TMEM132D: variants seen among roughly 807,000 people sequenced by gnomAD.
TMEM132D encodes mature OL transmembrane protein.
TMEM132D carries 21 observed loss-of-function variants against 62.3 expected under a neutral mutation model. That is an observed-to-expected ratio of 0.34 (90% CI 0.24 to 0.49). The LOEUF (loss-of-function observed/expected upper bound fraction) is 0.49, where lower values mean the gene tolerates loss of function less well. Among genes scored for constraint, TMEM132D ranks in the 20% least tolerant of loss-of-function variants. The probability of loss-of-function intolerance (pLI) is 0.99; values close to 1 mark genes in which losing one functional copy is unlikely to be tolerated. For missense variants in TMEM132D, 1,346 were observed against 1,402.8 expected (o/e 0.96, Z 0.65); for synonymous variants, 621 against 575.6 (o/e 1.08, Z -1.13).
intron 2 of TMEM132D, among the ~76,000 whole-genome samples, chr12:129,680,645 G>A (rs1186120757): frequency 2.0e-5 from 3 of 152,116 alleles, no homozygotes; most frequent in Non-Finnish European, 2.9e-5. Context: ...TCATAGCCAA[G>A]TCAGGGAACA....
intron 3 of TMEM132D, among the ~76,000 whole-genome samples, chr12:129,380,573 G>A (rs568826680): frequency 6.6e-6 from 1 of 151,948 alleles, no homozygotes; most frequent in Non-Finnish European, 1.5e-5. Flanking sequence ...GTGTGTGCGT[G>A]TGTGTGTGTG....
rs151224453 is a variant in TMEM132D at position 129,514,245 on chromosome 12, G to A, written c.1115+16814C>T. Among the ~76,000 whole-genome samples the A allele has an allele frequency of 8.5e-4, 130 of 152,062 alleles. 1 individual carries two copies. The highest frequency in any genetic ancestry group is 5.0e-3 in the East Asian group (26 of 5,178). ...TGTTTCCTGCACCCATAATTCTATC[G>A]CTGCCACCACCACCACCAGCATCTC... On this transcript the variant is annotated intron_variant, in intron 3 of 8. Transcript: ENST00000422113.
chr12:129,623,051 G>T (rs2137160849), intron 2 of TMEM132D, among the ~76,000 whole-genome samples: 1 of 152,238 alleles, frequency 6.6e-6, no homozygotes, highest in Middle Eastern at 3.4e-3. Context: ...AGAGGGAGGG[G>T]GAAGGGGAGA....
chr12:129,800,858 G>A lies in TMEM132D; in HGVS notation c.80-100160C>T, dbSNP rs181261616. On this transcript the variant is annotated intron_variant, in intron 1 of 8. Coordinates refer to ENST00000422113, the MANE Select transcript of TMEM132D (RefSeq NM_133448.3). ...AGTGGGCACAGCTCAGTGGGTGCGC[G>A]CACCGTGCACCAGCCGAAGCAGGGC... Among the ~76,000 whole-genome samples, 964 of 152,272 alleles carry A rather than the reference G, an allele frequency of 6.3e-3. 7 individuals carry two copies. The highest frequency in any genetic ancestry group is 0.022 in the African/African-American group (905 of 41,554).
At chr12:129,570,581 G>T (rs905663312) in intron 2 of TMEM132D, among the ~76,000 whole-genome samples, 8 of 152,166 alleles carry the variant, frequency 5.3e-5, no homozygotes, top group African/African-American at 1.9e-4. Flanking sequence ...CTACCCTAGG[G>T]CAAATGTAAC....
intron 2 of TMEM132D, among the ~76,000 whole-genome samples, chr12:129,629,621 G>A (rs546643733): frequency 1.3e-5 from 2 of 151,714 alleles, no homozygotes; most frequent in South Asian, 4.2e-4. Flanking sequence ...TTTATTCGTG[G>A]TGTTGCATTT....
intron 5 of TMEM132D, among the ~76,000 whole-genome samples, chr12:129,121,522 T>C (rs754515521): frequency 6.6e-6 from 1 of 151,476 alleles, no homozygotes; most frequent in Admixed American, 6.6e-5. Context: ...GGATGCAGAG[T>C]AGGAGTGAAT....
chr12:129,082,580 G>C (rs931088882), intron 6 of TMEM132D, among the ~76,000 whole-genome samples: 2 of 152,114 alleles, frequency 1.3e-5, no homozygotes, highest in Non-Finnish European at 2.9e-5. Flanking sequence ...GCACGAGTGA[G>C]CCTGCATGTA....
At chr12:129,586,554 G>A (rs571814637) in intron 2 of TMEM132D, among the ~76,000 whole-genome samples, 5 of 152,274 alleles carry the variant, frequency 3.3e-5, no homozygotes, top group African/African-American at 9.6e-5. Context: ...CTACCAGGCT[G>A]TAGACAACTG....
chr12:129,115,831 G>T (rs1010759303), intron 5 of TMEM132D, among the ~76,000 whole-genome samples: 19 of 152,324 alleles, frequency 1.2e-4, no homozygotes, highest in African/African-American at 4.3e-4. Flanking sequence ...GGCTGCAGAG[G>T]TCAACGCAGG....
chr12:129,430,175 T>C (rs1001198963), intron 3 of TMEM132D, among the ~76,000 whole-genome samples: 2 of 151,918 alleles, frequency 1.3e-5, no homozygotes, highest in African/African-American at 4.8e-5. Flanking sequence ...TCCACAATGG[T>C]TGAACTAGTT....
intron 5 of TMEM132D, among the ~76,000 whole-genome samples, chr12:129,176,882 G>A (rs1877921884): frequency 6.6e-6 from 1 of 152,224 alleles, no homozygotes; most frequent in African/African-American, 2.4e-5. Context: ...CAGGCACGGA[G>A]GTGTATTTAG....
intron 3 of TMEM132D, among the ~76,000 whole-genome samples, chr12:129,419,864 A>G (rs1872247285): frequency 6.6e-6 from 1 of 151,846 alleles, no homozygotes; most frequent in African/African-American, 2.4e-5. Context: ...TTGTGTCTCA[A>G]CTGATTTTAA....
chr12:129,634,452 TGAAA>T (rs1879428140), intron 2 of TMEM132D, among the ~76,000 whole-genome samples: 1 of 139,194 alleles, frequency 7.2e-6, no homozygotes, highest in African/African-American at 2.8e-5. Flanking sequence ...CAAGCCTATG[TGAAA>T]GAGTGAAACC....
At chr12:129,709,762 T>C (rs1032039801) in intron 1 of TMEM132D, among the ~76,000 whole-genome samples, 2 of 152,208 alleles carry the variant, frequency 1.3e-5, no homozygotes, top group Non-Finnish European at 2.9e-5. Flanking sequence ...CATAAATTAT[T>C]ATTGACTGAA....
At chr12:129,084,415 T>G in intron 6 of TMEM132D, 82 bp downstream of exon 6, 1 of 1,371,272 alleles carries the variant, frequency 7.3e-7, no homozygotes, top group Non-Finnish European at 9.8e-7. Context: ...ACCACATGCA[T>G]CCTCAGACCC....
chr12:129,204,719 C>T (rs570623732), intron 5 of TMEM132D, among the ~76,000 whole-genome samples: 19 of 152,244 alleles, frequency 1.2e-4, no homozygotes, highest in African/African-American at 4.6e-4. Flanking sequence ...CCCCAAGACA[C>T]AATCATCAGA....
chr12:129,201,946 T>C (rs1320226674), intron 5 of TMEM132D, among the ~76,000 whole-genome samples: 1 of 152,048 alleles, frequency 6.6e-6, no homozygotes, highest in Non-Finnish European at 1.5e-5. Context: ...TTCCAACCTC[T>C]GAGAATCACA....
intron 1 of TMEM132D, among the ~76,000 whole-genome samples, chr12:129,787,772 C>T (rs143552205): frequency 8.5e-5 from 13 of 152,296 alleles, no homozygotes; most frequent in African/African-American, 3.1e-4. Flanking sequence ...ATGAGGACCA[C>T]ACCAGATGCC....
Sources: allele counts gnomAD v4.1 joint callset (sites outside exome capture counted in the v4.1 genomes callset), GRCh38; gene constraint gnomAD v4.1.1; transcripts MANE v1.5; gene names NCBI Gene and HGNC (gene_info 2026-07-23, HGNC 2026-07-21).